The following ITPKB variants were observed in gnomAD, a reference collection of about 807,000 sequenced individuals.
ITPKB encodes inositol-trisphosphate 3-kinase B, also known as IP3 3-kinase B.
In ITPKB, 13 loss-of-function variants were observed where a neutral mutation model predicts 69.4. That is an observed-to-expected ratio of 0.19 (90% CI 0.12 to 0.30). The LOEUF (loss-of-function observed/expected upper bound fraction) is 0.30, where lower values mean the gene tolerates loss of function less well. Among genes scored for constraint, ITPKB ranks in the 10% least tolerant of loss-of-function variants. ITPKB has a pLI of 1.00. For synonymous variants in ITPKB, 584 were observed against 513.7 expected, an observed-to-expected ratio of 1.14 and a Z score of -1.85; for missense variants, 1,240 against 1,250.5, an observed-to-expected ratio of 0.99 and a Z score of 0.13.
chr1:226,736,026 G>A lies in ITPKB; in HGVS notation c.1433C>T (p.Pro478Leu). The change falls in exon 2 of 8, where the codon CCT becomes CTT. Residue 478 changes from proline (P) to leucine (L), a missense_variant. Pro to Leu is a moderately conservative substitution (Grantham distance 98). Transcript: ENST00000429204. ...TTTCGCAGCGTCCCAACAGGGCAAA[G>A]GCTCCAGCATTCTGCCAGAAGGAAT... ...AGIPSGRMLE[P>L]LPCWDAAKDL... 2 of 1,613,726 alleles carry A rather than the reference G, an allele frequency of 1.2e-6. No individual in the cohort carries two copies. The highest frequency in any genetic ancestry group is 8.5e-7 in the Non-Finnish European group (1 of 1,180,008).
chr1:226,689,312 G>A (rs1223173944), intron 2 of ITPKB, among the ~76,000 whole-genome samples: 2 of 152,126 alleles, frequency 1.3e-5, no homozygotes, highest in African/African-American at 2.4e-5. Flanking sequence ...GATTCCACTG[G>A]GGCTGTGTTT....
chr1:226,696,982 A>G (rs930769313), intron 2 of ITPKB, among the ~76,000 whole-genome samples: 1 of 152,264 alleles, frequency 6.6e-6, no homozygotes. Context: ...CTAATTAAAA[A>G]GAGGTCACAA....
chr1:226,640,862 C>G (rs938549959), intron 5 of ITPKB, among the ~76,000 whole-genome samples: 1 of 152,164 alleles, frequency 6.6e-6, no homozygotes, highest in Admixed American at 6.5e-5. Flanking sequence ...CACATGCCAC[C>G]GTGGGCAGCG....
At chr1:226,643,411 G>A (rs1446505576) in intron 4 of ITPKB, among the ~76,000 whole-genome samples, 1 of 152,246 alleles carries the variant, frequency 6.6e-6, no homozygotes, top group East Asian at 1.9e-4. Flanking sequence ...AATCAGCAGT[G>A]TCAGTTGCAG....
rs1165367618 is a variant in ITPKB, at chr1:226,637,550, T to C, written c.2625+129A>G. 1 of 719,538 alleles carries C rather than the reference T, an allele frequency of 1.4e-6. No homozygotes were observed. Among genetic ancestry groups the C allele is most frequent in the Non-Finnish European group, 2.5e-6 (1 of 406,224 alleles). The allele number at this position is 719,538 out of a possible 1,614,324, so 44.6% of individuals were successfully genotyped here. A position where few individuals can be genotyped will look rare whatever the true frequency, so the allele number is the denominator to read the frequency against. ...GCTCCCCCGTGCAGCGAGGGTCTGG[T>C]CCCTGATGGCCTGCCTCTGGCTGCA... On this transcript the variant is annotated intron_variant, in intron 7 of 7. Transcript: ENST00000429204. The surrounding 1 kb of genome is among the most constrained non-coding windows in gnomAD (Gnocchi z 4.3).
intron 2 of ITPKB, among the ~76,000 whole-genome samples, chr1:226,652,299 G>A (rs905736460): frequency 6.6e-5 from 10 of 152,178 alleles, no homozygotes; most frequent in African/African-American, 2.4e-4. Flanking sequence ...CACAGCATCT[G>A]CCTCAGGAAC....
chr1:226,699,920 G>A (rs181142059), intron 2 of ITPKB, among the ~76,000 whole-genome samples: 15 of 152,282 alleles, frequency 9.9e-5, no homozygotes, highest in African/African-American at 3.4e-4. Flanking sequence ...AGGAGAGCTG[G>A]TCCAAGTCCC....
In ITPKB at chr1:226,642,043, C is replaced by T. The variant is rs1247090631; in HGVS notation, c.2329G>A (p.Asp777Asn). ...KDMYQKMIEV[D>N]PEAPTEEEKA... is the part of the protein sequence containing the mutation. ...TCCTCCTCGGTGGGGGCCTCGGGGT[C>T]CACCTCGATCATCTTCTGGTACATG... Residue 777 changes from aspartate (D) to asparagine (N), a missense_variant, in exon 5 of 8, where the codon GAC becomes AAC. This residue lies in a region of ITPKB where 248 missense variants were observed against 396.7 expected (regional missense o/e 0.63). Transcript: ENST00000429204. The surrounding 1 kb of genome is among the most constrained non-coding windows in gnomAD (Gnocchi z 6.4). 2 of 1,614,106 alleles carry T rather than the reference C, an allele frequency of 1.2e-6. No homozygotes were observed. The highest frequency in any genetic ancestry group is 1.7e-6 in the Non-Finnish European group (2 of 1,180,036).
chr1:226,702,320 C>T (rs1265072043), intron 2 of ITPKB, among the ~76,000 whole-genome samples: 1 of 151,690 alleles, frequency 6.6e-6, no homozygotes, highest in African/African-American at 2.4e-5. Flanking sequence ...ATTGCTTTAA[C>T]CAGGGGGGCG....
intron 2 of ITPKB, among the ~76,000 whole-genome samples, chr1:226,677,917 G>C (rs751880538): frequency 6.6e-6 from 1 of 152,196 alleles, no homozygotes; most frequent in African/African-American, 2.4e-5. Context: ...AGGAGGAGAC[G>C]AGGAGCTTCA....
intron 2 of ITPKB, among the ~76,000 whole-genome samples, chr1:226,732,911 C>T (rs956165406): frequency 3.9e-5 from 6 of 152,152 alleles, no homozygotes; most frequent in Non-Finnish European, 8.8e-5. Context: ...TACTGTCACC[C>T]CCTGCCTGCA....
intron 2 of ITPKB, among the ~76,000 whole-genome samples, chr1:226,658,971 C>G (rs1669349967): frequency 6.6e-6 from 1 of 152,216 alleles, no homozygotes; most frequent in Admixed American, 6.5e-5. Flanking sequence ...CCCAATCAGG[C>G]TGCGAGGGCT....
intron 2 of ITPKB, among the ~76,000 whole-genome samples, chr1:226,670,808 G>C (rs767001472): frequency 1.3e-5 from 2 of 152,140 alleles, no homozygotes; most frequent in Non-Finnish European, 2.9e-5. Flanking sequence ...TTTTGAATAA[G>C]GTAGAATACA....
rs149405212 is a variant in ITPKB at position 226,675,813 on chromosome 1, C to T, written c.1933-27042G>A. Among the ~76,000 whole-genome samples the T allele has an allele frequency of 2.1e-3, 313 of 152,300 alleles. 2 individuals are homozygous for T. Among genetic ancestry groups the T allele is most frequent in the African/African-American group, 7.3e-3 (303 of 41,554 alleles). On this transcript the variant is annotated intron_variant, in intron 2 of 7. Transcript: ENST00000429204. The stretch of plus-strand genomic sequence containing the variant: ...TGTAAGATTCGAGTCTGCATAAAGC[C>T]TTCTTGAGTCCCAGCCTCTTGCTCC...
intron 2 of ITPKB, among the ~76,000 whole-genome samples, chr1:226,688,994 G>C (rs775914140): frequency 1.5e-4 from 23 of 151,998 alleles, no homozygotes; most frequent in Non-Finnish European, 2.8e-4. Context: ...TTTGCTCTCC[G>C]ACCTCTTTAG....
intron 2 of ITPKB, among the ~76,000 whole-genome samples, chr1:226,700,498 C>T (rs1418419704): frequency 7.6e-6 from 1 of 131,380 alleles, no homozygotes; most frequent in Non-Finnish European, 1.6e-5. Flanking sequence ...AAAAAAAAAC[C>T]CAGAACTTTG....
In ITPKB at chr1:226,641,021, C is replaced by A. The variant is rs1168774688; in HGVS notation, c.2451+900G>T. On this transcript the variant is annotated intron_variant, in intron 5 of 7. Coordinates refer to ENST00000429204, the MANE Select transcript of ITPKB (RefSeq NM_002221.4). The surrounding 1 kb of genome is among the most constrained non-coding windows in gnomAD (Gnocchi z 4.6). ...CCATGACTGGACAGAGAATGGGAGA[C>A]CCGACAACCCCACAGGGACTGCCAT... is the stretch of plus-strand genomic sequence containing the variant. 6.6e-6 allele frequency among the ~76,000 whole-genome samples: 1 copy of A among 152,148 alleles called. No individual in the cohort carries two copies. Among genetic ancestry groups the A allele is most frequent in the Non-Finnish European group, 1.5e-5 (1 of 68,016 alleles).
At position 226,737,617 on chromosome 1, in the gene ITPKB, G is replaced by C. The variant is rs942619862; in HGVS notation, c.-159C>G. ...GGCCTGGGCAGCGGGCTGGGGGCAC[G>C]ACCGCGGGCTCAGCCCCCGCCCAAA... On this transcript the variant is annotated 5_prime_UTR_variant, in exon 2 of 8. Coordinates refer to ENST00000429204, the MANE Select transcript of ITPKB (RefSeq NM_002221.4). 1 of 1,138,736 alleles carries C rather than the reference G, an allele frequency of 8.8e-7. No individual in the cohort carries two copies. The highest frequency in any genetic ancestry group is 1.1e-6 in the Non-Finnish European group (1 of 929,908). 70.5% of individuals were successfully genotyped at this position (1,138,736 alleles called of 1,614,324 possible).
chr1:226,721,965 C>T (rs920693898), intron 2 of ITPKB, among the ~76,000 whole-genome samples: 1 of 152,002 alleles, frequency 6.6e-6, no homozygotes, highest in African/African-American at 2.4e-5. Flanking sequence ...AGGCGCGCAC[C>T]ACCACACCCA....
Sources: allele counts gnomAD v4.1 joint callset (sites outside exome capture counted in the v4.1 genomes callset), GRCh38; gene constraint gnomAD v4.1.1; regional missense constraint gnomAD v4.1.1; non-coding constraint Gnocchi (gnomAD v3.1); transcripts MANE v1.5; gene names NCBI Gene and HGNC (gene_info 2026-07-23, HGNC 2026-07-21).